The following CMIP variants were observed in gnomAD, a reference collection of about 807,000 sequenced individuals.
CMIP encodes the protein c-Maf inducing protein, also known as C-Maf-inducing protein.
A neutral mutation model predicts 97.3 loss-of-function variants in CMIP; 13 were observed. The ratio of observed to expected loss-of-function variants is 0.13; its 90% CI spans 0.09 to 0.21. The LOEUF (loss-of-function observed/expected upper bound fraction) is 0.21, where lower values mean the gene tolerates loss of function less well. Among genes scored for constraint, CMIP ranks in the 10% least tolerant of loss-of-function variants. The probability of loss-of-function intolerance (pLI) is 1.00; values close to 1 mark genes in which losing one functional copy is unlikely to be tolerated. For missense variants in CMIP, 847 were observed against 1,024.9 expected (o/e 0.83, Z 2.37); for synonymous variants, 538 against 436.3 (o/e 1.23, Z -2.91).
At chr16:81,667,766 AAGAGAGAGAGAGAGAGAG>A (rs59388984) in intron 7 of CMIP, among the ~76,000 whole-genome samples, 2 of 85,208 alleles carry the variant, frequency 2.3e-5, no homozygotes, top group Admixed American at 1.3e-4. Flanking sequence ...GAGGGAGAGA[AAGAGAGAGAGAGAGAGAG>A]AGAGAGAGAG....
intron 1 of CMIP, among the ~76,000 whole-genome samples, chr16:81,478,555 A>T (rs1201488535): frequency 1.3e-5 from 2 of 152,132 alleles, no homozygotes; most frequent in Non-Finnish European, 2.9e-5. Flanking sequence ...GGAATTATGG[A>T]AGGGATCTCA....
chr16:81,708,742 T>G (rs1211521176), intron 20 of CMIP, among the ~76,000 whole-genome samples: 1 of 152,190 alleles, frequency 6.6e-6, no homozygotes, highest in Non-Finnish European at 1.5e-5. Context: ...GTCTGTGAAG[T>G]CTCCTAATTT....
intron 6 of CMIP, among the ~76,000 whole-genome samples, chr16:81,663,991 C>T (rs1375044267): frequency 2.0e-5 from 3 of 152,162 alleles, no homozygotes; most frequent in South Asian, 2.1e-4. Flanking sequence ...CCCACCCCAT[C>T]CTTAAAAGGA....
At chr16:81,635,705 G>A (rs994444128) in intron 3 of CMIP, among the ~76,000 whole-genome samples, 38 of 152,292 alleles carry the variant, frequency 2.5e-4, no homozygotes, top group East Asian at 5.8e-4. Context: ...GACGTCAAGC[G>A]TCTGCAAACG....
chr16:81,651,581 A>T (rs757464142), intron 3 of CMIP, among the ~76,000 whole-genome samples: 1 of 152,198 alleles, frequency 6.6e-6, no homozygotes, highest in African/African-American at 2.4e-5. Flanking sequence ...CCTGTCTTCA[A>T]GCGACCTCTT....
rs977770613 is a variant in CMIP at position 81,709,802 on chromosome 16, C to T, written c.*3C>T. Reference sequence around the variant, plus strand: ...TCCGCTACACCGAAGCCTGGTGAAGCTCCCAGCTCAAGGCAGGAAGACGTT... The same window carrying T: ...TCCGCTACACCGAAGCCTGGTGAAGTTCCCAGCTCAAGGCAGGAAGACGTT... On this transcript the variant is annotated 3_prime_UTR_variant, in exon 21 of 21. Coordinates refer to ENST00000537098, the MANE Select transcript of CMIP (RefSeq NM_198390.3). 2.5e-6 allele frequency: 4 copies of T among 1,613,802 alleles called. No homozygotes were observed. Among genetic ancestry groups the T allele is most frequent in the Admixed American group, 3.3e-5 (2 of 59,990 alleles).
intron 10 of CMIP, among the ~76,000 whole-genome samples, chr16:81,686,663 G>T (rs1468635453): frequency 6.6e-6 from 1 of 152,184 alleles, no homozygotes; most frequent in Non-Finnish European, 1.5e-5. Context: ...TATGATTGGG[G>T]TTCTGAAGGC....
At chr16:81,696,252 A>T in intron 13 of CMIP, 1 of 460,660 alleles carries the variant, frequency 2.2e-6, no homozygotes, top group Non-Finnish European at 3.9e-6. Context: ...TGCTCTGGGC[A>T]TCTCTACCTG....
At chr16:81,522,003 T>C (rs992935907) in intron 1 of CMIP, among the ~76,000 whole-genome samples, 2 of 152,172 alleles carry the variant, frequency 1.3e-5, no homozygotes, top group East Asian at 3.9e-4. Flanking sequence ...TAAGCAGGAT[T>C]TCAGAGGTGC....
chr16:81,675,721 CAG>C (rs750708411), intron 9 of CMIP, among the ~76,000 whole-genome samples: 1 of 152,112 alleles, frequency 6.6e-6, no homozygotes, highest in Non-Finnish European at 1.5e-5. Flanking sequence ...GTGACTAGAG[CAG>C]AGAGAGGAAA....
chr16:81,523,050 C>A (rs1412203271), intron 1 of CMIP, among the ~76,000 whole-genome samples: 2 of 152,120 alleles, frequency 1.3e-5, no homozygotes, highest in Non-Finnish European at 2.9e-5. Context: ...CCTCAGCCCC[C>A]CAAGTAGCTG....
At chr16:81,545,823 T>C (rs1195281376) in intron 1 of CMIP, among the ~76,000 whole-genome samples, 1 of 152,156 alleles carries the variant, frequency 6.6e-6, no homozygotes, top group East Asian at 1.9e-4. Context: ...TGCACAGGAT[T>C]TTCCACACAC....
At chr16:81,526,427 A>G (rs553453071) in intron 1 of CMIP, among the ~76,000 whole-genome samples, 1 of 152,140 alleles carries the variant, frequency 6.6e-6, no homozygotes, top group Non-Finnish European at 1.5e-5. Context: ...GTGTTTGCAT[A>G]TTTCATTCCT....
rs539946393 is a variant in CMIP at position 81,490,067 on chromosome 16, G to A, written c.300+44526G>A. Among the ~76,000 whole-genome samples, 3 of 152,320 alleles carry A rather than the reference G, an allele frequency of 2.0e-5. No homozygotes were observed. The South Asian group carries it at 6.2e-4, about 32-fold the overall frequency. On this transcript the variant is annotated intron_variant, in intron 1 of 20. Coordinates refer to ENST00000537098, the MANE Select transcript of CMIP (RefSeq NM_198390.3). Reference sequence around the variant, plus strand: ...GAGAGGGCAAGAGACCTGTGGACACGCCTGCACGCCTGTGCCAGAGGCCTG... The same window carrying A: ...GAGAGGGCAAGAGACCTGTGGACACACCTGCACGCCTGTGCCAGAGGCCTG...
chr16:81,589,207 C>A (rs2091429300), intron 1 of CMIP, among the ~76,000 whole-genome samples: 1 of 152,190 alleles, frequency 6.6e-6, no homozygotes, highest in Non-Finnish European at 1.5e-5. Context: ...AGCGATTCTC[C>A]TGCGTCAGCT....
intron 1 of CMIP, among the ~76,000 whole-genome samples, chr16:81,509,510 A>G (rs1194707567): frequency 6.6e-6 from 1 of 152,138 alleles, no homozygotes; most frequent in African/African-American, 2.4e-5. Context: ...TTTAGCTCTA[A>G]AAATGGGAAT....
chr16:81,627,863 G>T lies in CMIP; in HGVS notation c.477+6937G>T, dbSNP rs969923519. Among the ~76,000 whole-genome samples, 14 of 152,152 alleles carry T rather than the reference G, an allele frequency of 9.2e-5. No homozygotes were observed. The highest frequency in any genetic ancestry group is 3.4e-4 in the African/African-American group (14 of 41,420). On this transcript the variant is annotated intron_variant, in intron 3 of 20. Transcript: ENST00000537098. This position sits in a 1 kb window ranked among gnomAD's most constrained non-coding sequence, Gnocchi z 4.6. ...TCTGTGTTGGGAGCTGGCGCTGGGG[G>T]ACCACAACCCTCAAAGTCCCCAGCA... is the stretch of plus-strand genomic sequence containing the variant.
chr16:81,695,646 C>T (rs1244523747), intron 13 of CMIP: 1 of 152,406 alleles, frequency 6.6e-6, no homozygotes, highest in Non-Finnish European at 1.5e-5. Flanking sequence ...GCTCTCCATC[C>T]TCTCCCTCCT....
At position 81,678,757 on chromosome 16, in the gene CMIP, G is replaced by A. The variant is rs1417384490; in HGVS notation, c.1388+129G>A. The A allele has an allele frequency of 5.0e-6, 3 of 603,062 alleles. No homozygotes were observed. In the East Asian group the frequency reaches 8.3e-5, roughly 17 times the overall value. The allele number at this position is 603,062 out of a possible 1,614,324, so 37.4% of individuals were successfully genotyped here. A position where few individuals can be genotyped will look rare whatever the true frequency, so the allele number is the denominator to read the frequency against. On this transcript the variant is annotated intron_variant, in intron 10 of 20. Coordinates refer to ENST00000537098, the MANE Select transcript of CMIP (RefSeq NM_198390.3). The stretch of plus-strand genomic sequence containing the variant: ...GCATGGTAGAGTGGCTTGTGTGTGA[G>A]TGCACACGAGCTGGTGTGTGCAAGA...
Sources: allele counts gnomAD v4.1 joint callset (sites outside exome capture counted in the v4.1 genomes callset), GRCh38; gene constraint gnomAD v4.1.1; non-coding constraint Gnocchi (gnomAD v3.1); transcripts MANE v1.5; gene names NCBI Gene and HGNC (gene_info 2026-07-23, HGNC 2026-07-21).